The following JAK1 variants were observed in gnomAD, a reference collection of about 807,000 sequenced individuals.
JAK1 encodes the protein tyrosine-protein kinase JAK1.
JAK1 carries 16 observed loss-of-function variants against 136.6 expected under a neutral mutation model. The observed-to-expected ratio is 0.12, with a 90% CI of 0.08 to 0.18. The LOEUF (loss-of-function observed/expected upper bound fraction) is 0.18. JAK1 is among the 10% of genes least tolerant of loss of function. The pLI, the probability that JAK1 is intolerant of heterozygous loss-of-function variation, is 1.00. For missense variants in JAK1, 859 were observed against 1,450.1 expected (o/e 0.59, Z 6.62); for synonymous variants, 492 against 519.5 (o/e 0.95, Z 0.72).
At chr1:64,892,907 C>T (rs1369140964) in intron 1 of JAK1, among the ~76,000 whole-genome samples, 5 of 152,088 alleles carry the variant, frequency 3.3e-5, no homozygotes, top group Admixed American at 3.3e-4. Context: ...TCTGAGCATG[C>T]CAAAAATCTT....
At chr1:64,852,008 C>CT (rs930316982) in intron 11 of JAK1, among the ~76,000 whole-genome samples, 1 of 152,236 alleles carries the variant, frequency 6.6e-6, no homozygotes, top group African/African-American at 2.4e-5. Context: ...ACACACACCG[C>CT]TGGGAGACAA....
At chr1:64,859,148 G>C (rs1432980514) in intron 9 of JAK1, among the ~76,000 whole-genome samples, 1 of 152,234 alleles carries the variant, frequency 6.6e-6, no homozygotes, top group African/African-American at 2.4e-5. Context: ...AGCCGGAAGA[G>C]GGAAGAAGGT....
chr1:64,869,273 T>C (rs1431159035), intron 6 of JAK1, 38 bp downstream of exon 6: 1 of 1,593,278 alleles, frequency 6.3e-7, no homozygotes, highest in Non-Finnish European at 8.6e-7. Flanking sequence ...AACACCACCA[T>C]CCTCACAATC....
In JAK1 at chr1:64,918,121, G is replaced by A. The variant is rs563505810; in HGVS notation, c.-77-31780C>T. On this transcript the variant is annotated intron_variant, in intron 1 of 24. Coordinates refer to ENST00000342505, the MANE Select transcript of JAK1 (RefSeq NM_002227.4). ...GGGCATGATTAATACCAAAGTGGGG[G>A]TGACTGTTACCTCTGAGGGAAGTGC... is the stretch of plus-strand genomic sequence containing the variant. Among the ~76,000 whole-genome samples, 21 of 152,298 alleles carry A rather than the reference G, an allele frequency of 1.4e-4. 1 individual carries two copies. The South Asian group carries it at 4.4e-3, about 32-fold the overall frequency.
At position 64,844,664 on chromosome 1, in the gene JAK1, T is replaced by C; in HGVS notation, c.2251+90A>G. On this transcript the variant is annotated intron_variant, in intron 16 of 24. Transcript: ENST00000342505. The surrounding 1 kb of genome is among the most constrained non-coding windows in gnomAD (Gnocchi z 5.7). ...AAAATACAAAAAAAAAATGACTCTC[T>C]AAAAGGAGACCAACCCCAGCCCAGC... is the stretch of plus-strand genomic sequence containing the variant. 1 of 1,511,356 alleles carries C rather than the reference T, an allele frequency of 6.6e-7. No individual in the cohort carries two copies. The highest frequency in any genetic ancestry group is 9.1e-7 in the Non-Finnish European group (1 of 1,095,422). The allele number at this position is 1,511,356 out of a possible 1,614,324, so 93.6% of individuals were successfully genotyped here. A position where few individuals can be genotyped will look rare whatever the true frequency, so the allele number is the denominator to read the frequency against.
At chr1:64,990,711 C>T (rs1646647546) in intron 2 of JAK1, 1 of 151,818 alleles carries the variant, frequency 6.6e-6, no homozygotes, top group African/African-American at 2.4e-5. Context: ...TGCCTGAGAT[C>T]AGGAGTTCGA....
At chr1:64,845,935 T>C (rs1655201847) in intron 14 of JAK1, among the ~76,000 whole-genome samples, 1 of 152,200 alleles carries the variant, frequency 6.6e-6, no homozygotes, top group Admixed American at 6.5e-5. Context: ...GCGGAGGGCC[T>C]GACACAGAGA....
intron 1 of JAK1, among the ~76,000 whole-genome samples, chr1:64,935,115 T>C (rs1465495011): frequency 2.6e-5 from 4 of 152,226 alleles, no homozygotes; most frequent in African/African-American, 9.6e-5. Flanking sequence ...AGAACGCAGA[T>C]GCATCAGACA....
rs566070753 is a variant in JAK1, at chr1:64,988,199, T to C, written c.-78+56281A>G. On this transcript the variant is annotated intron_variant, in intron 2 of 25. Coordinates refer to the JAK1 transcript ENST00000671954. ...CTAAAAATCAGGGTTTTCAGTCCCA[T>C]CCCTTCTGAGAGCTGCTTGTCAAAT... Among the ~76,000 whole-genome samples, 5 of 152,310 alleles carry C rather than the reference T, an allele frequency of 3.3e-5. No individual in the cohort carries two copies. In the East Asian group the frequency reaches 9.6e-4, roughly 29 times the overall value.
intron 1 of JAK1, among the ~76,000 whole-genome samples, chr1:64,928,273 T>G (rs1029774231): frequency 2.0e-5 from 3 of 152,182 alleles, no homozygotes. Context: ...CTCTAGTACT[T>G]GTCAGAGCAG....
At chr1:64,955,990 G>C (rs1646180138) in intron 1 of JAK1, among the ~76,000 whole-genome samples, 1 of 152,148 alleles carries the variant, frequency 6.6e-6, no homozygotes, top group African/African-American at 2.4e-5. Flanking sequence ...ATTTTTAAAT[G>C]GTTGGAAAAA....
intron 2 of JAK1, among the ~76,000 whole-genome samples, chr1:64,983,766 C>G (rs1033739808): frequency 6.6e-6 from 1 of 152,210 alleles, no homozygotes; most frequent in Non-Finnish European, 1.5e-5. Context: ...CAATGCCCAT[C>G]TTGGTTAATA....
At chr1:65,051,740 C>CT (rs1647289781) in intron 1 of JAK1, among the ~76,000 whole-genome samples, 1 of 152,202 alleles carries the variant, frequency 6.6e-6, no homozygotes, top group Admixed American at 6.5e-5. Context: ...AAATGGTTCT[C>CT]TATTTCTTCT....
chr1:64,890,745 A>G (rs1001961101), intron 1 of JAK1, among the ~76,000 whole-genome samples: 10 of 152,258 alleles, frequency 6.6e-5, no homozygotes, highest in African/African-American at 2.2e-4. Context: ...GCACAGGACT[A>G]AAGTGGGCTA....
chr1:65,031,128 T>C (rs1647019885), intron 2 of JAK1, among the ~76,000 whole-genome samples: 1 of 122,826 alleles, frequency 8.1e-6, no homozygotes, highest in African/African-American at 3.3e-5. Context: ...CACTCCAGCC[T>C]AGGCAACAGA....
chr1:64,998,880 A>G (rs1646727853), intron 2 of JAK1, among the ~76,000 whole-genome samples: 1 of 152,202 alleles, frequency 6.6e-6, no homozygotes, highest in African/African-American at 2.4e-5. Context: ...CCTTTTGTAA[A>G]TTGCCCAGTT....
upstream of JAK1, among the ~76,000 whole-genome samples, chr1:64,968,797 TGG>T (rs1355662371): frequency 6.6e-6 from 1 of 152,072 alleles, no homozygotes; most frequent in Admixed American, 6.6e-5. Context: ...CTGGACGTGG[TGG>T]CGGGAACCTG....
intron 1 of JAK1, chr1:64,942,137 T>C (rs1419457827): frequency 6.6e-6 from 1 of 152,230 alleles, no homozygotes; most frequent in Admixed American, 6.5e-5. Flanking sequence ...TGAAATTCGA[T>C]ATATCTTGGA....
chr1:64,932,342 G>A (rs1189488886), intron 1 of JAK1, among the ~76,000 whole-genome samples: 1 of 152,182 alleles, frequency 6.6e-6, no homozygotes, highest in South Asian at 2.1e-4. Flanking sequence ...GAACCAGGGA[G>A]TCGGATGTTG....
Sources: gnomAD v4.1 joint callset for allele counts (sites outside exome capture counted in the v4.1 genomes callset) on GRCh38, gnomAD v4.1.1 for gene constraint, Gnocchi (gnomAD v3.1) non-coding constraint, MANE v1.5 for transcripts, NCBI Gene and HGNC (gene_info 2026-07-23, HGNC 2026-07-21) for gene names.